WWTR1: variants seen among roughly 807,000 people sequenced by gnomAD.
WWTR1 encodes the protein WW domain containing transcription regulator 1.
WWTR1 carries 13 observed loss-of-function variants against 40.1 expected under a neutral mutation model. That is an observed-to-expected ratio of 0.32 (90% CI 0.21 to 0.52). The LOEUF (loss-of-function observed/expected upper bound fraction) is 0.52, where lower values mean the gene tolerates loss of function less well. WWTR1 is among the 20% of genes least tolerant of loss of function. WWTR1 has a pLI of 0.97. For synonymous variants in WWTR1, 230 were observed against 210.1 expected (o/e 1.09, Z -0.82); for missense variants, 436 against 523.1 (o/e 0.83, Z 1.63).
At chr3:149,665,062 T>C (rs1011594608) in intron 2 of WWTR1, among the ~76,000 whole-genome samples, 1 of 152,148 alleles carries the variant, frequency 6.6e-6, no homozygotes, top group Non-Finnish European at 1.5e-5. Context: ...TATTTTTAAA[T>C]GGGAAATATT....
chr3:149,660,370 T>C (rs1422944680), upstream of WWTR1: 2 of 152,194 alleles, frequency 1.3e-5, no homozygotes, highest in South Asian at 2.1e-4. Flanking sequence ...GGGTTGGAAC[T>C]GGATGGGCAA....
At chr3:149,663,677 C>T (rs1035641836) in intron 2 of WWTR1, among the ~76,000 whole-genome samples, 4 of 152,114 alleles carry the variant, frequency 2.6e-5, no homozygotes, top group African/African-American at 9.7e-5. Flanking sequence ...GCCTGTGCAA[C>T]AGAGCGAGAC....
intron 1 of WWTR1, among the ~76,000 whole-genome samples, chr3:149,687,010 T>C (rs1302230150): frequency 2.6e-5 from 4 of 152,186 alleles, no homozygotes; most frequent in Non-Finnish European, 5.9e-5. Flanking sequence ...AGGAATATGT[T>C]TGAAGGAGCC....
At chr3:149,557,995 T>A (rs1201646172) in intron 3 of WWTR1, among the ~76,000 whole-genome samples, 4 of 131,186 alleles carry the variant, frequency 3.0e-5, no homozygotes, top group Admixed American at 2.5e-4. Context: ...AGAGCAAGGC[T>A]CCATCTCAAA....
At chr3:149,534,912 G>A (rs1404611017) in intron 4 of WWTR1, among the ~76,000 whole-genome samples, 1 of 152,200 alleles carries the variant, frequency 6.6e-6, no homozygotes, top group South Asian at 2.1e-4. Flanking sequence ...TTTGTGAGCT[G>A]AAGGTGTCCC....
At chr3:149,594,059 TG>T (rs974832471) in intron 2 of WWTR1, among the ~76,000 whole-genome samples, 79 of 152,364 alleles carry the variant, frequency 5.2e-4, no homozygotes, top group African/African-American at 1.8e-3. Context: ...GTTCAATTTG[TG>T]CAAATTCATC....
intron 2 of WWTR1, among the ~76,000 whole-genome samples, chr3:149,637,760 G>A (rs1711920155): frequency 6.6e-6 from 1 of 152,210 alleles, no homozygotes; most frequent in Admixed American, 6.5e-5. Flanking sequence ...TCTGGAGTAG[G>A]AGGAGATCCC....
intron 2 of WWTR1, among the ~76,000 whole-genome samples, chr3:149,591,162 C>T (rs537508438): frequency 5.9e-5 from 9 of 152,086 alleles, no homozygotes; most frequent in East Asian, 1.9e-4. Flanking sequence ...AAATACAAAG[C>T]GGAACGCCAA....
chr3:149,542,906 A>G (rs543495710), intron 3 of WWTR1, among the ~76,000 whole-genome samples: 57 of 151,208 alleles, frequency 3.8e-4, no homozygotes, highest in African/African-American at 1.3e-3. Context: ...GTGTGTGTGC[A>G]TGTGTATACT....
intron 1 of WWTR1, among the ~76,000 whole-genome samples, chr3:149,674,801 G>GCTCACAGCTAATA (rs201332734): frequency 0.6 from 91,285 of 151,872 alleles, 27,573 homozygotes; most frequent in East Asian, 0.68. Flanking sequence ...TTCTAGTCTA[G>GCTCACAGCTAATA]CTCTTGGTGC....
chr3:149,651,039 G>T (rs949799188), intron 2 of WWTR1, among the ~76,000 whole-genome samples: 6 of 152,132 alleles, frequency 3.9e-5, no homozygotes, highest in African/African-American at 1.2e-4. Context: ...TCTCCTGTGC[G>T]CCAGATGCTT....
chr3:149,651,302 T>G (rs1266663670), intron 2 of WWTR1, among the ~76,000 whole-genome samples: 1 of 152,032 alleles, frequency 6.6e-6, no homozygotes, highest in Non-Finnish European at 1.5e-5. Flanking sequence ...TACTCAAGCA[T>G]GTACTGCAGC....
intron 2 of WWTR1, among the ~76,000 whole-genome samples, chr3:149,596,303 G>GTT (rs1739001999): frequency 3.9e-5 from 6 of 152,146 alleles, no homozygotes; most frequent in Admixed American, 3.9e-4. Flanking sequence ...TCTCAGACCT[G>GTT]GCACTGATAA....
chr3:149,615,044 T>C (rs573366754), intron 2 of WWTR1, among the ~76,000 whole-genome samples: 1 of 152,286 alleles, frequency 6.6e-6, no homozygotes, highest in South Asian at 2.1e-4. Flanking sequence ...AGTCTACTAG[T>C]ATTGAGGTAT....
At position 149,625,154 on chromosome 3, in the gene WWTR1, C is replaced by T. The variant is rs562468944; in HGVS notation, c.431+31722G>A. On this transcript the variant is annotated intron_variant, in intron 2 of 6. Transcript: ENST00000360632. The stretch of plus-strand genomic sequence containing the variant: ...TGGTTTTTTTTGTGACGGAGTCTCG[C>T]TCTGTTGCCCAGGCTGGAGTGCAGT... Among the ~76,000 whole-genome samples, 16 of 133,486 alleles carry T rather than the reference C, an allele frequency of 1.2e-4. No homozygotes were observed. The East Asian group carries it at 2.7e-3, about 23-fold the overall frequency. 87.6% of individuals were successfully genotyped at this position (133,486 alleles called of 152,430 possible).
intron 4 of WWTR1, among the ~76,000 whole-genome samples, chr3:149,721,240 T>C (rs577587527): frequency 7.2e-5 from 11 of 152,228 alleles, no homozygotes; most frequent in Non-Finnish European, 1.5e-4. Flanking sequence ...CTGTGGGTTA[T>C]TCACAGACAG....
At chr3:149,614,101 T>A (rs2108072844) in intron 2 of WWTR1, among the ~76,000 whole-genome samples, 1 of 152,312 alleles carries the variant, frequency 6.6e-6, no homozygotes, top group South Asian at 2.1e-4. Flanking sequence ...AACATCAGAT[T>A]TTACTTATAT....
intron 1 of WWTR1, among the ~76,000 whole-genome samples, chr3:149,672,100 A>T (rs1261087110): frequency 1.3e-5 from 2 of 152,128 alleles, no homozygotes; most frequent in Non-Finnish European, 2.9e-5. Flanking sequence ...AGCTAAGAAT[A>T]GATTTACATC....
chr3:149,629,051 G>T (rs981881385), intron 2 of WWTR1, among the ~76,000 whole-genome samples: 1 of 152,176 alleles, frequency 6.6e-6, no homozygotes, highest in Non-Finnish European at 1.5e-5. Context: ...GGATTACCAG[G>T]CATCAGCCAC....
Sources: gnomAD v4.1 joint callset for allele counts (sites outside exome capture counted in the v4.1 genomes callset) on GRCh38, gnomAD v4.1.1 for gene constraint, MANE v1.5 for transcripts, NCBI Gene and HGNC (gene_info 2026-07-23, HGNC 2026-07-21) for gene names.